The following EMCN variants were observed in gnomAD, a reference collection of about 807,000 sequenced individuals.
The protein encoded by EMCN is MUC-14.
Under a neutral mutation model 38.4 loss-of-function variants are expected in EMCN, and 37 were observed. The observed-to-expected ratio is 0.96, with a 90% confidence interval of 0.74 to 1.27. The LOEUF (loss-of-function observed/expected upper bound fraction) is 1.27, where lower values mean the gene tolerates loss of function less well. Ranked by LOEUF, EMCN falls within the 50% of genes most tolerant of loss-of-function variation. EMCN has a pLI of 0.00. For synonymous variants in EMCN, 95 were observed against 100.8 expected (o/e 0.94, Z 0.35); for missense variants, 318 against 302.8 (o/e 1.05, Z -0.37).
chr4:100,431,836 A>G (rs530679332), intron 5 of EMCN, among the ~76,000 whole-genome samples: 1 of 150,004 alleles, frequency 6.7e-6, no homozygotes, highest in Non-Finnish European at 1.5e-5. Context: ...TCTCGCTGTC[A>G]ATGCACAACC....
At chr4:100,423,268 G>C (rs533069055) in intron 6 of EMCN, 44 bp downstream of exon 6, 1 of 1,476,308 alleles carries the variant, frequency 6.8e-7, no homozygotes, top group Non-Finnish European at 9.5e-7. Flanking sequence ...GTCAAGAAAG[G>C]GTCAGGTAGA....
intron 5 of EMCN, among the ~76,000 whole-genome samples, chr4:100,443,232 G>A (rs1727571479): frequency 2.0e-5 from 3 of 152,178 alleles, no homozygotes; most frequent in Admixed American, 6.5e-5. Context: ...TATGATTTCC[G>A]TGTGGTACCA....
At chr4:100,483,435 C>T (rs188858065) in intron 1 of EMCN, 1 of 152,186 alleles carries the variant, frequency 6.6e-6, no homozygotes, top group East Asian at 1.9e-4. Flanking sequence ...TGACTAGGCA[C>T]ACACATGTTT....
Position 100,417,151 on chromosome 4 carries a change from G to C in EMCN, c.665-10C>G. The C allele has an allele frequency of 6.2e-7, 1 of 1,613,682 alleles. No individual in the cohort carries two copies. Among genetic ancestry groups the C allele is most frequent in the Non-Finnish European group, 8.5e-7 (1 of 1,179,668 alleles). On this transcript the variant is annotated splice_polypyrimidine_tract_variant and intron_variant, in intron 8 of 11. Transcript: ENST00000296420. Reference sequence around the variant, plus strand: ...CCATTTTCTGGTGTGCCTAGGAGAAGAGGGAGTTGTTATTAGAGTTGCAAA... The same window carrying C: ...CCATTTTCTGGTGTGCCTAGGAGAACAGGGAGTTGTTATTAGAGTTGCAAA...
intron 2 of EMCN, among the ~76,000 whole-genome samples, chr4:100,476,133 C>A (rs1339181008): frequency 6.6e-6 from 1 of 151,976 alleles, no homozygotes; most frequent in Non-Finnish European, 1.5e-5. Flanking sequence ...CAGTTTGATA[C>A]CTACTCTCCA....
chr4:100,430,892 G>T (rs757244352), intron 5 of EMCN, among the ~76,000 whole-genome samples: 6 of 152,048 alleles, frequency 3.9e-5, no homozygotes, highest in Non-Finnish European at 8.8e-5. Context: ...AAAAAATCTA[G>T]ATATTACTCT....
chr4:100,460,239 C>T (rs779524048), intron 4 of EMCN, among the ~76,000 whole-genome samples: 17 of 151,986 alleles, frequency 1.1e-4, no homozygotes, highest in Non-Finnish European at 2.1e-4. Flanking sequence ...GTGAAATGTC[C>T]ATTCAGGTCC....
chr4:100,505,757 T>G (rs553634386), intron 1 of EMCN, among the ~76,000 whole-genome samples: 1 of 152,190 alleles, frequency 6.6e-6, no homozygotes, highest in South Asian at 2.1e-4. Flanking sequence ...CCCAGTACAG[T>G]TGGTCAGAAA....
At chr4:100,453,637 A>G (rs969024858) in intron 4 of EMCN, among the ~76,000 whole-genome samples, 9 of 152,128 alleles carry the variant, frequency 5.9e-5, no homozygotes, top group East Asian at 1.9e-4. Flanking sequence ...ATCTAGAACT[A>G]GAAATACCAT....
intron 1 of EMCN, among the ~76,000 whole-genome samples, chr4:100,502,543 T>A (rs1481539455): frequency 6.6e-6 from 1 of 152,212 alleles, no homozygotes; most frequent in Non-Finnish European, 1.5e-5. Context: ...ACAAATAATA[T>A]CAATTTTGAT....
intron 10 of EMCN, among the ~76,000 whole-genome samples, chr4:100,412,105 C>T (rs1160855262): frequency 1.3e-5 from 2 of 152,060 alleles, no homozygotes; most frequent in Admixed American, 1.3e-4. Context: ...GGTAAGTGTA[C>T]ATGACAAAGG....
At chr4:100,451,300 G>A (rs1348010266) in intron 4 of EMCN, among the ~76,000 whole-genome samples, 1 of 151,840 alleles carries the variant, frequency 6.6e-6, no homozygotes, top group Non-Finnish European at 1.5e-5. Context: ...CAACACTCAT[G>A]AAGTTGTGGG....
chr4:100,478,640 A>C (rs545519393), intron 2 of EMCN, among the ~76,000 whole-genome samples: 1 of 152,272 alleles, frequency 6.6e-6, no homozygotes, highest in African/African-American at 2.4e-5. Flanking sequence ...GGAGATGGAC[A>C]TATGGAGATT....
At chr4:100,506,031 T>C (rs931466512) in intron 1 of EMCN, among the ~76,000 whole-genome samples, 1 of 152,132 alleles carries the variant, frequency 6.6e-6, no homozygotes, top group Admixed American at 6.5e-5. Flanking sequence ...ATTAAAGAGA[T>C]AGTGGGAAAC....
At chr4:100,412,848 A>C (rs748784379) in intron 10 of EMCN, among the ~76,000 whole-genome samples, 52 of 152,198 alleles carry the variant, frequency 3.4e-4, no homozygotes, top group Non-Finnish European at 4.7e-4. Context: ...GGGAGTATGG[A>C]TGGATGAACA....
At chr4:100,415,018 C>G (rs751826090) in intron 10 of EMCN, among the ~76,000 whole-genome samples, 4 of 152,152 alleles carry the variant, frequency 2.6e-5, no homozygotes, top group Non-Finnish European at 4.4e-5. Flanking sequence ...GCCTCAGTCT[C>G]CAGGGTAGCT....
chr4:100,495,611 G>GA (rs1729188234), intron 1 of EMCN, among the ~76,000 whole-genome samples: 1 of 151,984 alleles, frequency 6.6e-6, no homozygotes, highest in African/African-American at 2.4e-5. Flanking sequence ...ATAAATAGGA[G>GA]AAAACCAATC....
chr4:100,485,503 T>C (rs1366396772), intron 1 of EMCN, among the ~76,000 whole-genome samples: 1 of 151,972 alleles, frequency 6.6e-6, no homozygotes, highest in Non-Finnish European at 1.5e-5. Context: ...ACATTATAAT[T>C]CTTATTGTAT....
At chr4:100,423,895 A>T (rs1265770301) in intron 5 of EMCN, among the ~76,000 whole-genome samples, 1 of 152,122 alleles carries the variant, frequency 6.6e-6, no homozygotes, top group Non-Finnish European at 1.5e-5. Context: ...ATTGAGGAAA[A>T]ATCAAAGAAG....
Sources: gnomAD v4.1 joint callset for allele counts (sites outside exome capture counted in the v4.1 genomes callset) on GRCh38, gnomAD v4.1.1 for gene constraint, MANE v1.5 for transcripts, NCBI Gene and HGNC (gene_info 2026-07-23, HGNC 2026-07-21) for gene names.